Variants in CAPRIN1 observed in about 807,000 individuals in gnomAD.
CAPRIN1 encodes caprin-1.
Under a neutral mutation model 100.9 loss-of-function variants are expected in CAPRIN1, and 29 were observed. The observed-to-expected ratio is 0.29, with a 90% CI of 0.21 to 0.39. CAPRIN1 has a LOEUF of 0.39. Ranked by LOEUF, CAPRIN1 falls within the 10% of genes least tolerant of loss-of-function variation. The pLI, the probability that CAPRIN1 is intolerant of heterozygous loss-of-function variation, is 1.00. For missense variants in CAPRIN1, 795 were observed against 876.7 expected, an observed-to-expected ratio of 0.91 and a Z score of 1.18; for synonymous variants, 338 against 307.5, an observed-to-expected ratio of 1.10 and a Z score of -1.04.
At chr11:34,068,887 A>G (rs538994247) in intron 2 of CAPRIN1, among the ~76,000 whole-genome samples, 3 of 152,218 alleles carry the variant, frequency 2.0e-5, no homozygotes, top group African/African-American at 4.8e-5. Context: ...ACTCTACCCC[A>G]TGAGGGATGT....
At chr11:34,079,905 G>GTTTTTTTTTTTTT (rs377455073) in intron 7 of CAPRIN1, 140 bp downstream of exon 7, 1 of 316,642 alleles carries the variant, frequency 3.2e-6, no homozygotes, top group African/African-American at 2.9e-5. Flanking sequence ...GCATGACAAA[G>GTTTTTTTTTTTTT]TTTTTTTTTT....
chr11:34,096,283 C>A, intron 15 of CAPRIN1, 196 bp from the exon 16 acceptor site: 1 of 444,670 alleles, frequency 2.2e-6, no homozygotes, highest in Non-Finnish European at 3.9e-6. Context: ...AGAATTTTAC[C>A]CCCAATAGCT....
intron 11 of CAPRIN1, among the ~76,000 whole-genome samples, chr11:34,087,942 G>C (rs1253477104): frequency 6.6e-6 from 1 of 152,162 alleles, no homozygotes; most frequent in East Asian, 1.9e-4. Context: ...AGAGAGTGAT[G>C]GGAATTGTTA....
chr11:34,096,713 A>C, intron 16 of CAPRIN1, 40 bp downstream of exon 16: 3 of 1,460,268 alleles, frequency 2.1e-6, no homozygotes, highest in Non-Finnish European at 2.8e-6. Flanking sequence ...ACCTTTTACT[A>C]GTTCAAATTA....
chr11:34,060,077 T>C (rs1468215209), intron 2 of CAPRIN1, among the ~76,000 whole-genome samples: 4 of 151,200 alleles, frequency 2.6e-5, no homozygotes, highest in Non-Finnish European at 5.9e-5. Context: ...GCAGCTGTAG[T>C]TCCAGCTACT....
At chr11:34,071,825 T>C (rs1850809163) in intron 3 of CAPRIN1, 37 bp downstream of exon 3, 12 of 1,581,190 alleles carry the variant, frequency 7.6e-6, no homozygotes, top group Non-Finnish European at 8.7e-6. Flanking sequence ...GACCTAATGC[T>C]CACTATTTTA....
chr11:34,080,381 A>C (rs868609195), intron 7 of CAPRIN1, among the ~76,000 whole-genome samples: 1 of 152,210 alleles, frequency 6.6e-6, no homozygotes, highest in Non-Finnish European at 1.5e-5. Context: ...GGTGAGGGCC[A>C]GCTGTTACAA....
intron 6 of CAPRIN1, among the ~76,000 whole-genome samples, chr11:34,076,955 G>A (rs925717905): frequency 6.6e-6 from 1 of 152,060 alleles, no homozygotes; most frequent in Non-Finnish European, 1.5e-5. Flanking sequence ...GGCTGGTCTC[G>A]AACTCCTTAC....
rs1392266754 is a variant in CAPRIN1 at position 34,096,588 on chromosome 11, C to A, written c.1815C>A (p.Tyr605Ter). ...TGFPRSNQPYYNSRGVSRGGS... is the reference protein window; with the variant it reads ...TGFPRSNQPY ...TTCCACGTAGCAATCAGCCCTATTA[C>A]AATAGTCGTGGTGTGTCTCGTGGAG... The change falls in exon 16 of 19, where the codon TAC becomes TAA. Residue 605 changes from tyrosine (Y) to a stop codon, truncating the protein, a stop_gained. Coordinates refer to ENST00000341394, the MANE Select transcript of CAPRIN1 (RefSeq NM_005898.5). LOFTEE classifies it high-confidence loss of function. The A allele has an allele frequency of 6.2e-7, 1 of 1,613,940 alleles. No homozygotes were observed. The highest frequency in any genetic ancestry group is 8.5e-7 in the Non-Finnish European group (1 of 1,180,012).
intron 9 of CAPRIN1, 112 bp from the exon 10 acceptor site, chr11:34,085,952 C>A: frequency 1.3e-6 from 1 of 777,150 alleles, no homozygotes. Context: ...CATTAAAGCC[C>A]GTTCTGTTTA....
chr11:34,090,788 A>G (rs1851248813), intron 14 of CAPRIN1, 110 bp downstream of exon 14: 1 of 867,498 alleles, frequency 1.2e-6, no homozygotes, highest in African/African-American at 1.7e-5. Flanking sequence ...TGCATCTTTC[A>G]TTAACTGTAG....
At chr11:34,082,699 T>C (rs1381178968) in intron 7 of CAPRIN1, 126 bp from the exon 8 acceptor site, 3 of 695,822 alleles carry the variant, frequency 4.3e-6, no homozygotes, top group Non-Finnish European at 7.6e-6. Context: ...GGTTTACTCT[T>C]ATTGTTAATA....
intron 5 of CAPRIN1, 26 bp downstream of exon 5, chr11:34,076,500 A>G (rs1490845640): frequency 6.2e-7 from 1 of 1,607,200 alleles, no homozygotes; most frequent in Admixed American, 1.7e-5. Context: ...GATAATAGAA[A>G]CTTCTGAGTA....
In CAPRIN1 at chr11:34,099,641, A is replaced by G. The variant is rs1851423619; in HGVS notation, c.*274A>G. The G allele has an allele frequency of 2.4e-6, 1 of 420,928 alleles. No homozygotes were observed. Among genetic ancestry groups the G allele is most frequent in the East Asian group, 3.8e-5 (1 of 26,504 alleles). 26.1% of individuals were successfully genotyped at this position (420,928 alleles called of 1,614,324 possible). ...CCTCACCCTTGCTTAGGAGTAAAAC[A>G]ATATACTTTACAGGGTGATAATAAT... is the stretch of plus-strand genomic sequence containing the variant. On this transcript the variant is annotated 3_prime_UTR_variant, in exon 19 of 19. Transcript: ENST00000341394.
chr11:34,073,138 A>C (rs146543768), intron 4 of CAPRIN1, among the ~76,000 whole-genome samples: 36 of 152,360 alleles, frequency 2.4e-4, no homozygotes, highest in Middle Eastern at 3.4e-3. Flanking sequence ...GCTGAAACAA[A>C]AAAGTTTATT....
chr11:34,078,254 G>T, intron 6 of CAPRIN1, among the ~76,000 whole-genome samples: 1 of 152,276 alleles, frequency 6.6e-6, no homozygotes, highest in East Asian at 1.9e-4. Flanking sequence ...AGAGTTGTTG[G>T]TAGTTTATTA....
chr11:34,090,367 A>G, intron 13 of CAPRIN1, 78 bp downstream of exon 13: 1 of 1,231,002 alleles, frequency 8.1e-7, no homozygotes, highest in South Asian at 1.3e-5. Context: ...TACCATTAAT[A>G]TAATGATTCT....
intron 2 of CAPRIN1, 21 bp from the exon 3 acceptor site, chr11:34,071,705 C>G: frequency 1.9e-6 from 3 of 1,574,550 alleles, no homozygotes; most frequent in Non-Finnish European, 2.6e-6. Context: ...GAATGTAATT[C>G]TTTTTTTTCT....
At chr11:34,086,272 T>C in intron 10 of CAPRIN1, 33 bp from the exon 11 acceptor site, 23 of 1,609,310 alleles carry the variant, frequency 1.4e-5, no homozygotes, top group Non-Finnish European at 2.0e-5. Flanking sequence ...GTTTATATTA[T>C]TTGACTTTAT....
Sources: gnomAD v4.1 joint callset for allele counts (sites outside exome capture counted in the v4.1 genomes callset) on GRCh38, gnomAD v4.1.1 for gene constraint, MANE v1.5 for transcripts, NCBI Gene and HGNC (gene_info 2026-07-23, HGNC 2026-07-21) for gene names.